The following CSMD3 variants were observed in gnomAD, a reference collection of about 807,000 sequenced individuals.
CSMD3 encodes CUB and sushi domain-containing protein 3.
CSMD3 carries 177 observed loss-of-function variants against 435.2 expected under a neutral mutation model. That is an observed-to-expected ratio of 0.41 (90% CI 0.36 to 0.46). CSMD3 has a LOEUF of 0.46. Among genes scored for constraint, CSMD3 ranks in the 20% least tolerant of loss-of-function variants. The probability of loss-of-function intolerance (pLI) is 0.34; values close to 1 mark genes in which losing one functional copy is unlikely to be tolerated. For synonymous variants in CSMD3, 1,656 were observed against 1,520.5 expected (o/e 1.09, Z -2.07); for missense variants, 4,265 against 4,504.6 (o/e 0.95, Z 1.52).
intron 31 of CSMD3, among the ~76,000 whole-genome samples, chr8:112,482,465 C>A (rs925146402): frequency 6.6e-6 from 1 of 152,098 alleles, no homozygotes; most frequent in Non-Finnish European, 1.5e-5. Context: ...AAAACTAACA[C>A]CATTTTCTAA....
intron 45 of CSMD3, among the ~76,000 whole-genome samples, chr8:112,324,017 G>C (rs545371443): frequency 8.5e-5 from 13 of 152,170 alleles, no homozygotes; most frequent in African/African-American, 3.1e-4. Context: ...CCGATTTATA[G>C]ATAAATAAAC....
chr8:113,299,082 G>A (rs2093743801), intron 2 of CSMD3, among the ~76,000 whole-genome samples: 1 of 152,082 alleles, frequency 6.6e-6, no homozygotes, highest in Admixed American at 6.6e-5. Context: ...GCCAATCAGT[G>A]CTGCTATAAA....
chr8:112,591,387 C>G (rs1395719199), intron 22 of CSMD3, among the ~76,000 whole-genome samples: 1 of 152,072 alleles, frequency 6.6e-6, no homozygotes, highest in Non-Finnish European at 1.5e-5. Context: ...CAAAAACAGA[C>G]AAGACATGCA....
intron 32 of CSMD3, among the ~76,000 whole-genome samples, chr8:112,425,941 C>T (rs1018494994): frequency 1.3e-5 from 2 of 152,002 alleles, no homozygotes; most frequent in African/African-American, 2.4e-5. Flanking sequence ...GAAGTTTGGA[C>T]TCTATTTTAG....
intron 1 of CSMD3, among the ~76,000 whole-genome samples, chr8:113,315,050 T>A: frequency 6.6e-6 from 1 of 152,176 alleles, no homozygotes; most frequent in East Asian, 1.9e-4. Flanking sequence ...ATTATCCACA[T>A]ACATCTGATT....
chr8:113,203,253 T>C (rs537941349), intron 3 of CSMD3, among the ~76,000 whole-genome samples: 1 of 152,264 alleles, frequency 6.6e-6, no homozygotes, highest in East Asian at 1.9e-4. Context: ...CAAATATTTG[T>C]CAATTTTTTA....
intron 3 of CSMD3, among the ~76,000 whole-genome samples, chr8:113,241,228 T>A (rs1245855979): frequency 1.3e-5 from 2 of 152,102 alleles, no homozygotes; most frequent in Non-Finnish European, 2.9e-5. Flanking sequence ...ACTATGTTCA[T>A]CCTCTGCAAA....
chr8:112,983,959 A>G (rs772111026), intron 6 of CSMD3, among the ~76,000 whole-genome samples: 1 of 152,078 alleles, frequency 6.6e-6, no homozygotes, highest in Admixed American at 6.6e-5. Context: ...TTCCTGCAAC[A>G]GACATTTTGT....
At chr8:113,032,706 C>T (rs891095160) in intron 5 of CSMD3, among the ~76,000 whole-genome samples, 6 of 151,660 alleles carry the variant, frequency 4.0e-5, no homozygotes, top group Non-Finnish European at 5.9e-5. Flanking sequence ...TTCAAGTCAA[C>T]TGCAGAAATG....
At chr8:112,357,395 T>A (rs1194104053) in intron 38 of CSMD3, among the ~76,000 whole-genome samples, 1 of 152,152 alleles carries the variant, frequency 6.6e-6, no homozygotes, top group Non-Finnish European at 1.5e-5. Flanking sequence ...AAGCAGAGTA[T>A]AAAAGTTTGA....
intron 37 of CSMD3, among the ~76,000 whole-genome samples, chr8:112,382,367 A>G (rs10505177): frequency 0.021 from 3,160 of 151,962 alleles, 100 homozygotes; most frequent in African/African-American, 0.072. Context: ...GTGTGCTAAA[A>G]TTGTGTGCGA....
intron 32 of CSMD3, among the ~76,000 whole-genome samples, chr8:112,429,845 T>C (rs1813474228): frequency 6.6e-6 from 1 of 152,060 alleles, no homozygotes; most frequent in African/African-American, 2.4e-5. Context: ...TTTTTTTCTT[T>C]TTTTAATAAA....
At chr8:112,707,723 A>G (rs1330154847) in intron 13 of CSMD3, among the ~76,000 whole-genome samples, 1 of 152,062 alleles carries the variant, frequency 6.6e-6, no homozygotes, top group Non-Finnish European at 1.5e-5. Flanking sequence ...TTTATTCTCA[A>G]AAGAGAATCC....
At chr8:113,174,656 T>C (rs940546454) in intron 3 of CSMD3, among the ~76,000 whole-genome samples, 3 of 151,796 alleles carry the variant, frequency 2.0e-5, no homozygotes, top group African/African-American at 7.2e-5. Context: ...TCAGAAAAAA[T>C]CCAACTTTAG....
intron 13 of CSMD3, among the ~76,000 whole-genome samples, chr8:112,694,574 A>G (rs563527427): frequency 6.6e-6 from 1 of 152,220 alleles, no homozygotes; most frequent in East Asian, 1.9e-4. Context: ...AAATTTAATG[A>G]AGCTGTAAAT....
chr8:112,907,344 C>A (rs574017975), intron 10 of CSMD3, among the ~76,000 whole-genome samples: 2 of 151,556 alleles, frequency 1.3e-5, no homozygotes, highest in South Asian at 4.2e-4. Context: ...ATACTGCACT[C>A]TTCAGTGTTT....
intron 37 of CSMD3, among the ~76,000 whole-genome samples, chr8:112,382,734 A>T (rs1829587344): frequency 6.6e-6 from 1 of 152,234 alleles, no homozygotes; most frequent in Non-Finnish European, 1.5e-5. Flanking sequence ...TCACACCTGT[A>T]ATCTCAGCAC....
At chr8:113,375,036 G>C (rs2094372419) in intron 1 of CSMD3, among the ~76,000 whole-genome samples, 1 of 151,944 alleles carries the variant, frequency 6.6e-6, no homozygotes, top group South Asian at 2.1e-4. Flanking sequence ...ACTTTACCCA[G>C]TATAACAAAA....
chr8:113,417,645 C>T (rs1460803736), intron 1 of CSMD3, among the ~76,000 whole-genome samples: 1 of 151,858 alleles, frequency 6.6e-6, no homozygotes, highest in East Asian at 1.9e-4. Context: ...CAGAATTGTA[C>T]ACTATAGGCT....
Sources: gnomAD v4.1 joint callset for allele counts (sites outside exome capture counted in the v4.1 genomes callset) on GRCh38, gnomAD v4.1.1 for gene constraint, MANE v1.5 for transcripts, NCBI Gene and HGNC (gene_info 2026-07-23, HGNC 2026-07-21) for gene names.